The following FHOD3 variants were observed in gnomAD, a reference collection of about 807,000 sequenced individuals.
FHOD3 encodes FH1/FH2 domain-containing protein 3.
In FHOD3, 90 loss-of-function variants were observed where a neutral mutation model predicts 173.0. The ratio of observed to expected loss-of-function variants is 0.52; its 90% CI spans 0.44 to 0.62. The LOEUF (loss-of-function observed/expected upper bound fraction) is 0.62. FHOD3 is among the 20% of genes least tolerant of loss of function. The pLI, the probability that FHOD3 is intolerant of heterozygous loss-of-function variation, is 0.00. For synonymous variants in FHOD3, 828 were observed against 823.0 expected (o/e 1.01, Z -0.10); for missense variants, 1,945 against 2,034.7 (o/e 0.96, Z 0.85).
chr18:36,541,564 A>T (rs1300358702), intron 5 of FHOD3, among the ~76,000 whole-genome samples: 1 of 139,452 alleles, frequency 7.2e-6, no homozygotes, highest in Non-Finnish European at 1.7e-5. Flanking sequence ...CTATACATTT[A>T]TTTTTTTGCT....
intron 6 of FHOD3, among the ~76,000 whole-genome samples, chr18:36,585,958 G>T (rs2059012146): frequency 6.6e-6 from 1 of 152,152 alleles, no homozygotes; most frequent in Non-Finnish European, 1.5e-5. Flanking sequence ...GCTTCTGGGA[G>T]CCTGCAGGGT....
At chr18:36,664,049 G>T (rs1052804316) in intron 14 of FHOD3, among the ~76,000 whole-genome samples, 4 of 152,020 alleles carry the variant, frequency 2.6e-5, no homozygotes, top group African/African-American at 9.7e-5. Context: ...CCAGATGCTT[G>T]CTGGCTGTGT....
At chr18:36,433,013 C>T (rs190565801) in intron 3 of FHOD3, among the ~76,000 whole-genome samples, 7 of 152,298 alleles carry the variant, frequency 4.6e-5, no homozygotes, top group Admixed American at 3.9e-4. Context: ...TGGATGTGCT[C>T]AAACTCTGCT....
At chr18:36,696,859 T>G (rs1201212072) in intron 17 of FHOD3, among the ~76,000 whole-genome samples, 1 of 152,228 alleles carries the variant, frequency 6.6e-6, no homozygotes, top group East Asian at 1.9e-4. Flanking sequence ...AGCCCAAAGT[T>G]TGGGCAAACA....
intron 22 of FHOD3, among the ~76,000 whole-genome samples, chr18:36,743,484 C>G (rs2042007932): frequency 6.6e-6 from 1 of 151,994 alleles, no homozygotes; most frequent in Non-Finnish European, 1.5e-5. Context: ...GAGCTTATCA[C>G]TCAAATACTC....
intron 25 of FHOD3, among the ~76,000 whole-genome samples, chr18:36,756,008 G>T (rs889568873): frequency 2.0e-4 from 31 of 152,168 alleles, no homozygotes; most frequent in African/African-American, 7.5e-4. Flanking sequence ...GGTCTTGGGG[G>T]GCAGTGGATA....
At chr18:36,725,476 G>A (rs1282349196) in intron 19 of FHOD3, among the ~76,000 whole-genome samples, 1 of 152,190 alleles carries the variant, frequency 6.6e-6, no homozygotes. Context: ...GAGACCATCA[G>A]GGACTGGGCT....
At chr18:36,758,618 G>A (rs1032903753) in intron 25 of FHOD3, among the ~76,000 whole-genome samples, 3 of 152,186 alleles carry the variant, frequency 2.0e-5, no homozygotes, top group Admixed American at 2.0e-4. Context: ...GCCTGGGCAG[G>A]GAGGGATCCT....
chr18:36,357,407 T>C (rs1397250876), intron 2 of FHOD3, among the ~76,000 whole-genome samples: 1 of 152,216 alleles, frequency 6.6e-6, no homozygotes, highest in Non-Finnish European at 1.5e-5. Flanking sequence ...AATGGCGCAT[T>C]GCCAGAATGG....
chr18:36,513,965 A>G (rs576516538), intron 5 of FHOD3, among the ~76,000 whole-genome samples: 2 of 150,060 alleles, frequency 1.3e-5, no homozygotes, highest in South Asian at 4.2e-4. Context: ...ATCCTCCATT[A>G]CAAGTTGTCA....
At chr18:36,512,658 G>A in intron 5 of FHOD3, 115 bp downstream of exon 5, 1 of 731,882 alleles carries the variant, frequency 1.4e-6, no homozygotes. Flanking sequence ...AGAGTAAGGT[G>A]GTAAAGACAC....
chr18:36,763,068 CGT>C (rs2042963158), intron 27 of FHOD3, among the ~76,000 whole-genome samples: 9 of 145,570 alleles, frequency 6.2e-5, no homozygotes, highest in African/African-American at 2.0e-4. Flanking sequence ...ATATAATATG[CGT>C]ATTATACACG....
rs137910865 is a variant in FHOD3, at chr18:36,780,054, C to T, written c.*524C>T. The T allele has an allele frequency of 8.8e-3, 8,202 of 937,070 alleles. 38 individuals carry two copies. Among genetic ancestry groups the T allele is most frequent in the Non-Finnish European group, 9.6e-3 (6,866 of 718,550 alleles). The allele number at this position is 937,070 out of a possible 1,614,324, so 58.0% of individuals were successfully genotyped here. ...AATACTAAATAAATAGAGTTTAATGCCATAATGAGAAACTTTTATTCTTCT... is the reference window on the plus strand; with the variant it reads ...AATACTAAATAAATAGAGTTTAATGTCATAATGAGAAACTTTTATTCTTCT... On this transcript the variant is annotated 3_prime_UTR_variant, in exon 29 of 29. Coordinates refer to ENST00000590592, the MANE Select transcript of FHOD3 (RefSeq NM_001281740.3).
chr18:36,340,770 G>A (rs1340674804), intron 1 of FHOD3, among the ~76,000 whole-genome samples: 1 of 151,860 alleles, frequency 6.6e-6, no homozygotes, highest in African/African-American at 2.4e-5. Context: ...CCGAGTAGCT[G>A]GGACTACAGG....
At chr18:36,712,345 T>C (rs2040213373) in intron 18 of FHOD3, among the ~76,000 whole-genome samples, 1 of 152,148 alleles carries the variant, frequency 6.6e-6, no homozygotes, top group South Asian at 2.1e-4. Flanking sequence ...CATAATGATA[T>C]TGCTTCAGTG....
intron 15 of FHOD3, among the ~76,000 whole-genome samples, chr18:36,683,362 G>C (rs1439592361): frequency 6.6e-6 from 1 of 152,170 alleles, no homozygotes; most frequent in Non-Finnish European, 1.5e-5. Context: ...TCTTGAAACA[G>C]GGTGCTGGTT....
chr18:36,357,361 T>C (rs930841752), intron 2 of FHOD3, among the ~76,000 whole-genome samples: 1 of 152,220 alleles, frequency 6.6e-6, no homozygotes, highest in African/African-American at 2.4e-5. Context: ...TTTCTCAGCA[T>C]GTTTCAGGCA....
At chr18:36,743,970 A>G in intron 22 of FHOD3, 62 bp from the exon 23 acceptor site, 2 of 1,578,196 alleles carry the variant, frequency 1.3e-6, no homozygotes, top group Admixed American at 1.7e-5. Flanking sequence ...GATCCTAACC[A>G]TCCTGTGCTA....
intron 10 of FHOD3, among the ~76,000 whole-genome samples, chr18:36,632,045 A>G (rs1356684837): frequency 6.6e-6 from 1 of 152,202 alleles, no homozygotes; most frequent in Non-Finnish European, 1.5e-5. Context: ...ATGAACATAC[A>G]CACTGGTGCA....
Sources: allele counts gnomAD v4.1 joint callset (sites outside exome capture counted in the v4.1 genomes callset), GRCh38; gene constraint gnomAD v4.1.1; transcripts MANE v1.5; gene names NCBI Gene and HGNC (gene_info 2026-07-23, HGNC 2026-07-21).